The following WWP1 variants were observed in gnomAD, a reference collection of about 807,000 sequenced individuals.
The protein encoded by WWP1 is NEDD4-like E3 ubiquitin-protein ligase WWP1.
A neutral mutation model predicts 130.6 loss-of-function variants in WWP1; 49 were observed. The ratio of observed to expected loss-of-function variants is 0.38; its 90% CI spans 0.30 to 0.48. The LOEUF (loss-of-function observed/expected upper bound fraction) is 0.48, where lower values mean the gene tolerates loss of function less well. WWP1 is among the 20% of genes least tolerant of loss of function. The probability of loss-of-function intolerance (pLI) is 0.99; values close to 1 mark genes in which losing one functional copy is unlikely to be tolerated. For synonymous variants in WWP1, 332 were observed against 367.8 expected (o/e 0.90, Z 1.11); for missense variants, 809 against 1,100.6 (o/e 0.74, Z 3.75).
At chr8:86,412,697 T>C (rs1399504096) in intron 9 of WWP1, among the ~76,000 whole-genome samples, 1 of 69,286 alleles carries the variant, frequency 1.4e-5, no homozygotes, top group Non-Finnish European at 3.1e-5. Context: ...TAGTGTACGT[T>C]GGTTTTTTTT....
At chr8:86,423,634 A>G (rs1484325515) in intron 9 of WWP1, among the ~76,000 whole-genome samples, 1 of 152,166 alleles carries the variant, frequency 6.6e-6, no homozygotes, top group Non-Finnish European at 1.5e-5. Flanking sequence ...TTCTACACAG[A>G]CACAGCAACA....
chr8:86,449,118 G>A (rs184173016), intron 20 of WWP1, among the ~76,000 whole-genome samples: 81 of 152,132 alleles, frequency 5.3e-4, no homozygotes, highest in Non-Finnish European at 8.7e-4. Context: ...TGGGATAACA[G>A]GGTGTCACCA....
chr8:86,457,421 GTCTGTCTGTCTA>G (rs931874327), intron 21 of WWP1, among the ~76,000 whole-genome samples: 8 of 135,052 alleles, frequency 5.9e-5, no homozygotes, highest in East Asian at 2.8e-4. Context: ...CTGTCTGTCT[GTCTGTCTGTCTA>G]TCTATCTATC....
At chr8:86,346,103 G>A (rs118089247) in intron 1 of WWP1, among the ~76,000 whole-genome samples, 3,384 of 152,212 alleles carry the variant, frequency 0.022, 41 homozygotes, top group South Asian at 0.042. Flanking sequence ...TGTGATTCTC[G>A]AGTCCTAGAC....
At chr8:86,435,794 C>T (rs1367986779) in intron 16 of WWP1, 90 bp downstream of exon 16, 2 of 1,201,686 alleles carry the variant, frequency 1.7e-6, no homozygotes, top group South Asian at 1.4e-5. Context: ...ATTTTTAAAC[C>T]ACCCAGAACA....
chr8:86,464,106 T>C (rs1811911182), intron 24 of WWP1, among the ~76,000 whole-genome samples: 1 of 152,088 alleles, frequency 6.6e-6, no homozygotes, highest in African/African-American at 2.4e-5. Context: ...GAGGAAACAG[T>C]AGATTTTGTA....
chr8:86,444,831 G>A (rs1810773500), intron 18 of WWP1, among the ~76,000 whole-genome samples: 1 of 152,200 alleles, frequency 6.6e-6, no homozygotes, highest in African/African-American at 2.4e-5. Flanking sequence ...ATGGAGTCAA[G>A]AATGGGAGGA....
At chr8:86,372,452 A>T (rs955599556) in intron 2 of WWP1, among the ~76,000 whole-genome samples, 2 of 152,174 alleles carry the variant, frequency 1.3e-5, no homozygotes, top group African/African-American at 4.8e-5. Flanking sequence ...GAATATTCAC[A>T]CTTTTCTTAT....
intron 5 of WWP1, among the ~76,000 whole-genome samples, chr8:86,393,687 C>T (rs886601787): frequency 1.3e-5 from 2 of 152,152 alleles, no homozygotes; most frequent in Non-Finnish European, 1.5e-5. Flanking sequence ...CACTTACAAG[C>T]TATGTAACCT....
At chr8:86,435,132 C>A (rs1440727883) in intron 14 of WWP1, among the ~76,000 whole-genome samples, 1 of 152,176 alleles carries the variant, frequency 6.6e-6, no homozygotes, top group Non-Finnish European at 1.5e-5. Context: ...TGTCTGGAGC[C>A]TCTGTCCTCC....
At chr8:86,367,823 G>A (rs958296515) in intron 1 of WWP1, among the ~76,000 whole-genome samples, 3 of 152,196 alleles carry the variant, frequency 2.0e-5, no homozygotes, top group African/African-American at 7.2e-5. Context: ...GTCCCTGAGG[G>A]CTTGTGATAA....
intron 4 of WWP1, 140 bp downstream of exon 4, chr8:86,381,004 T>C: frequency 8.5e-7 from 1 of 1,170,298 alleles, no homozygotes; most frequent in Non-Finnish European, 1.1e-6. Context: ...TATGGAGAAA[T>C]TTTTGGTTAA....
chr8:86,362,163 CAT>C (rs34231831), intron 1 of WWP1, among the ~76,000 whole-genome samples: 4,586 of 58,778 alleles, frequency 0.078, 178 homozygotes, highest in Admixed American at 0.094. Flanking sequence ...ATATACAAGG[CAT>C]ATATATATAT....
At chr8:86,402,370 C>T (rs1808040104) in intron 8 of WWP1, among the ~76,000 whole-genome samples, 167 bp downstream of exon 8, 1 of 152,238 alleles carries the variant, frequency 6.6e-6, no homozygotes, top group Non-Finnish European at 1.5e-5. Flanking sequence ...ACTGCAACCT[C>T]TGCCTCTTGG....
intron 1 of WWP1, among the ~76,000 whole-genome samples, chr8:86,347,491 A>T (rs1668267523): frequency 1.3e-5 from 2 of 152,168 alleles, no homozygotes; most frequent in Non-Finnish European, 2.9e-5. Context: ...TATGTGAAGG[A>T]TTTGAATTTA....
chr8:86,411,137 C>T (rs1355981654), intron 8 of WWP1, among the ~76,000 whole-genome samples: 3 of 152,050 alleles, frequency 2.0e-5, no homozygotes, highest in Non-Finnish European at 4.4e-5. Context: ...CAAAACAGTT[C>T]GTTTGATGTT....
chr8:86,458,091 A>G (rs1165779844), intron 22 of WWP1, 66 bp downstream of exon 22: 1 of 1,320,956 alleles, frequency 7.6e-7, no homozygotes, highest in Non-Finnish European at 1.1e-6. Flanking sequence ...GGTGGTTTTA[A>G]AAATAGCTTA....
At chr8:86,428,241 C>A (rs748293707) in intron 11 of WWP1, among the ~76,000 whole-genome samples, 1 of 152,148 alleles carries the variant, frequency 6.6e-6, no homozygotes, top group African/African-American at 2.4e-5. Context: ...TTCTAAGAAG[C>A]AACACTCATC....
At chr8:86,375,016 CA>C (rs1310318976) in intron 3 of WWP1, among the ~76,000 whole-genome samples, 2 of 152,128 alleles carry the variant, frequency 1.3e-5, no homozygotes, top group African/African-American at 2.4e-5. Flanking sequence ...TCCTCTTAAT[CA>C]AAAAATCTCC....
Sources: allele counts gnomAD v4.1 joint callset (sites outside exome capture counted in the v4.1 genomes callset), GRCh38; gene constraint gnomAD v4.1.1; transcripts MANE v1.5; gene names NCBI Gene and HGNC (gene_info 2026-07-23, HGNC 2026-07-21).